Variants in CCDC93 observed in about 807,000 individuals in gnomAD.
CCDC93 encodes CCC complex scaffolding subunit CCDC93.
CCDC93 carries 61 observed loss-of-function variants against 108.2 expected under a neutral mutation model. That is an observed-to-expected ratio of 0.56 (90% CI 0.46 to 0.70). The LOEUF is 0.70. Among genes scored for constraint, CCDC93 ranks in the 30% least tolerant of loss-of-function variants. The pLI, the probability that CCDC93 is intolerant of heterozygous loss-of-function variation, is 0.00. For synonymous variants in CCDC93, 276 were observed against 260.4 expected, an observed-to-expected ratio of 1.06 and a Z score of -0.58; for missense variants, 685 against 764.2, an observed-to-expected ratio of 0.90 and a Z score of 1.22.
intron 21 of CCDC93, chr2:117,935,896 T>C (rs1283387478): frequency 2.3e-5 from 5 of 219,888 alleles, no homozygotes; most frequent in Non-Finnish European, 4.4e-5. Flanking sequence ...ATTATTTATT[T>C]GAAATACGGC....
intron 9 of CCDC93, 53 bp downstream of exon 9, chr2:117,975,135 T>C (rs1679895903): frequency 6.7e-7 from 1 of 1,485,364 alleles, no homozygotes; most frequent in Non-Finnish European, 9.4e-7. Flanking sequence ...GAGTACGATT[T>C]CTCCCAAAAT....
At chr2:117,922,527 T>C (rs1224820928) in intron 23 of CCDC93, among the ~76,000 whole-genome samples, 1 of 152,190 alleles carries the variant, frequency 6.6e-6, no homozygotes, top group East Asian at 1.9e-4. Flanking sequence ...CTTAGTATCA[T>C]GACCTGATGG....
chr2:117,951,959 C>G (rs1168487752), intron 13 of CCDC93, among the ~76,000 whole-genome samples: 2 of 152,078 alleles, frequency 1.3e-5, no homozygotes, highest in African/African-American at 4.8e-5. Flanking sequence ...CTGAGGTTCT[C>G]TCATCTTTCA....
intron 3 of CCDC93, 31 bp downstream of exon 3, chr2:118,006,691 C>G (rs761634353): frequency 6.7e-6 from 9 of 1,346,094 alleles, no homozygotes; most frequent in Non-Finnish European, 8.5e-6. Flanking sequence ...TCCCTTCTCC[C>G]CACCTTTAGG....
At chr2:117,929,787 C>T (rs990582026) in intron 23 of CCDC93, among the ~76,000 whole-genome samples, 3 of 152,118 alleles carry the variant, frequency 2.0e-5, no homozygotes, top group African/African-American at 7.2e-5. Flanking sequence ...AGCCGCAGAC[C>T]CTCCGCTCCC....
At chr2:117,953,492 A>T (rs1261515750) in intron 12 of CCDC93, among the ~76,000 whole-genome samples, 1 of 152,138 alleles carries the variant, frequency 6.6e-6, no homozygotes, top group African/African-American at 2.4e-5. Flanking sequence ...GTACTCTGGG[A>T]AAAAGTTTAG....
At chr2:117,929,823 A>G (rs1042071398) in intron 23 of CCDC93, among the ~76,000 whole-genome samples, 2 of 152,142 alleles carry the variant, frequency 1.3e-5, no homozygotes, top group African/African-American at 4.8e-5. Context: ...GTGGCTGAAG[A>G]ACTCTTTCTT....
chr2:117,954,339 TCA>T, intron 12 of CCDC93, among the ~76,000 whole-genome samples: 1 of 152,282 alleles, frequency 6.6e-6, no homozygotes, highest in South Asian at 2.1e-4. Context: ...CAGGAAACCT[TCA>T]CCAACAAAGA....
chr2:118,008,865 C>T (rs758296831), intron 1 of CCDC93: 41 of 533,892 alleles, frequency 7.7e-5, no homozygotes, highest in Non-Finnish European at 1.2e-4. Context: ...CGGTCCTCAA[C>T]GGGCTGTTAA....
At chr2:117,949,676 C>A (rs1359773962) in intron 13 of CCDC93, 1 of 809,988 alleles carries the variant, frequency 1.2e-6, no homozygotes, top group South Asian at 5.6e-5. Context: ...GAATTTTGTA[C>A]GATGTGAATG....
intron 1 of CCDC93, among the ~76,000 whole-genome samples, chr2:118,013,402 C>G (rs980081572): frequency 4.6e-5 from 7 of 152,176 alleles, no homozygotes; most frequent in Non-Finnish European, 8.8e-5. Flanking sequence ...CGCAAGTCTC[C>G]CAAACTTCCT....
intron 23 of CCDC93, among the ~76,000 whole-genome samples, chr2:117,924,242 G>C (rs921597979): frequency 6.6e-6 from 1 of 152,216 alleles, no homozygotes; most frequent in Non-Finnish European, 1.5e-5. Context: ...CCAAAGGAAC[G>C]CAGCTCCTCA....
intron 7 of CCDC93, among the ~76,000 whole-genome samples, chr2:117,984,706 ACTT>A (rs1477548354): frequency 6.6e-6 from 1 of 152,090 alleles, no homozygotes; most frequent in African/African-American, 2.4e-5. Context: ...TCTGCCAAGA[ACTT>A]CTTCATTCTG....
At position 117,920,356 on chromosome 2, in the gene CCDC93, G is replaced by A. The variant is rs1319780623; in HGVS notation, c.1883C>T (p.Ala628Val). ...GGCTGGGGATGTTCAGGAGGCCTTC[G>A]CTTTCACCTTGGACAGCAGCATCTC... ...KNEMLLSKVKAKAS is the reference protein window; with the variant it reads ...KNEMLLSKVKVKAS The change falls in exon 24 of 24, where the codon GCG (alanine) becomes GTG (valine). Residue 628 changes from alanine to valine, a missense_variant. Transcript: ENST00000376300. 5.0e-6 allele frequency: 8 copies of A among 1,612,752 alleles called. No individual in the cohort carries two copies. The highest frequency in any genetic ancestry group is 4.5e-5 in the East Asian group (2 of 44,866).
At chr2:118,007,257 T>C (rs4848480) in intron 2 of CCDC93, among the ~76,000 whole-genome samples, 3 of 152,262 alleles carry the variant, frequency 2.0e-5, no homozygotes, top group Admixed American at 2.0e-4. Flanking sequence ...ATTTTTCTTA[T>C]CTACCTGAGA....
In CCDC93 at chr2:117,936,507, CATT is replaced by C. The variant is rs1573469449; in HGVS notation, c.1643+192_1643+194del. On this transcript the variant is annotated intron_variant, in intron 21 of 23. Transcript: ENST00000376300. ...GTCAGCTCTTCCTTCACTCTACTATCATTATAGTTTTGCAGGTACTCAAGGAGA... is the reference window on the plus strand; with the variant it reads ...GTCAGCTCTTCCTTCACTCTACTATCATAGTTTTGCAGGTACTCAAGGAGA... The C allele has an allele frequency of 3.6e-5, 21 of 576,858 alleles. No homozygotes were observed. In the East Asian group the frequency reaches 5.0e-4, roughly 14 times the overall value. 35.7% of individuals were successfully genotyped at this position (576,858 alleles called of 1,614,324 possible).
intron 2 of CCDC93, among the ~76,000 whole-genome samples, chr2:118,008,194 G>A (rs1431670369): frequency 6.6e-6 from 1 of 152,194 alleles, no homozygotes; most frequent in East Asian, 1.9e-4. Context: ...GCAACCGTCT[G>A]TGAGCACGCT....
chr2:118,002,295 C>T (rs1676725133), intron 3 of CCDC93, among the ~76,000 whole-genome samples: 1 of 152,178 alleles, frequency 6.6e-6, no homozygotes, highest in African/African-American at 2.4e-5. Flanking sequence ...CAGATACCCT[C>T]AAGATGAACA....
At chr2:117,970,086 G>T (rs1041663152) in intron 11 of CCDC93, among the ~76,000 whole-genome samples, 1 of 152,168 alleles carries the variant, frequency 6.6e-6, no homozygotes, top group African/African-American at 2.4e-5. Context: ...GTCTTTGACT[G>T]GAGAGCACTG....
Sources: allele counts gnomAD v4.1 joint callset (sites outside exome capture counted in the v4.1 genomes callset), GRCh38; gene constraint gnomAD v4.1.1; transcripts MANE v1.5; gene names NCBI Gene and HGNC (gene_info 2026-07-23, HGNC 2026-07-21).